PPP1R26: variants seen among roughly 807,000 people sequenced by gnomAD.
PPP1R26 encodes protein phosphatase 1 regulatory subunit 26.
Under a neutral mutation model 67.6 loss-of-function variants are expected in PPP1R26, and 22 were observed. That is an observed-to-expected ratio of 0.33 (90% CI 0.23 to 0.46). The LOEUF is 0.46. Ranked by LOEUF, PPP1R26 falls within the 20% of genes least tolerant of loss-of-function variation. The pLI, the probability that PPP1R26 is intolerant of heterozygous loss-of-function variation, is 1.00. For missense variants in PPP1R26, 1,602 were observed against 1,651.4 expected (o/e 0.97, Z 0.52); for synonymous variants, 729 against 717.2 (o/e 1.02, Z -0.26).
At chr9:135,479,690 G>A (rs1274823244), upstream of PPP1R26, 1 of 145,584 alleles carries the variant, frequency 6.9e-6, no homozygotes, top group African/African-American at 2.5e-5. The surrounding 1 kb of genome is among the most constrained non-coding windows in gnomAD (Gnocchi z 5.9). Flanking sequence ...CCACGGGCAC[G>A]GCTTCCGGAG....
At position 135,485,773 on chromosome 9, in the gene PPP1R26, A is replaced by G; in HGVS notation, c.1263A>G (p.Lys421=). ...GTGCCTTGCCCGAGACCCACAGGAA[A>G]ACACCCAGCAAGAAGAAGCTAGTGG... ...TKSALPETHR[K]TPSKKKLVAT... is the part of the protein sequence containing the mutation. The change falls in exon 4 of 4, where the codon AAA becomes AAG. Residue 421 remains lysine, a synonymous_variant. Transcript: ENST00000356818. This position sits in a 1 kb window ranked among gnomAD's most constrained non-coding sequence, Gnocchi z 7.2. 1 of 1,612,068 alleles carries G rather than the reference A, an allele frequency of 6.2e-7. No individual in the cohort carries two copies. Among genetic ancestry groups the G allele is most frequent in the Non-Finnish European group, 8.5e-7 (1 of 1,179,996 alleles).
chr9:135,488,221 G>A lies in PPP1R26; in HGVS notation c.*81G>A, dbSNP rs964466554. ...AGCCGTGCGTGTGTGTGATGGTTCC[G>A]TGGCTGCAAGGAAGGGAAACAGTCT... is the stretch of plus-strand genomic sequence containing the variant. On this transcript the variant is annotated 3_prime_UTR_variant, in exon 4 of 4. Coordinates refer to ENST00000356818, the MANE Select transcript of PPP1R26 (RefSeq NM_014811.5). 1.2e-5 allele frequency: 17 copies of A among 1,447,132 alleles called. No individual in the cohort carries two copies. The highest frequency in any genetic ancestry group is 2.6e-4 in the Middle Eastern group (1 of 3,838). The allele number at this position is 1,447,132 out of a possible 1,614,324, so 89.6% of individuals were successfully genotyped here.
In PPP1R26 at chr9:135,486,695, A is replaced by G; in HGVS notation, c.2185A>G (p.Thr729Ala). ...GAAGGTCAGGTTCAGCACAGCCCAG[A>G]CGCACTTCTTGGAGCAGCTGGGCGG... The part of the protein sequence containing the change: ...RKKVRFSTAQ[T>A]HFLEQLGGLR... Residue 729 changes from threonine (T) to alanine (A), a missense_variant, in exon 4 of 4, where the codon ACG becomes GCG. Coordinates refer to ENST00000356818, the MANE Select transcript of PPP1R26 (RefSeq NM_014811.5). This position sits in a 1 kb window ranked among gnomAD's most constrained non-coding sequence, Gnocchi z 6.2. 1 of 1,598,182 alleles carries G rather than the reference A, an allele frequency of 6.3e-7. No homozygotes were observed. The highest frequency in any genetic ancestry group is 8.5e-7 in the Non-Finnish European group (1 of 1,172,960).
chr9:135,486,513 C>T lies in PPP1R26; in HGVS notation c.2003C>T (p.Thr668Ile). Residue 668 changes from threonine (T) to isoleucine (I), a missense_variant, in exon 4 of 4, where the codon ACA becomes ATA. Thr to Ile is a moderately conservative substitution (Grantham distance 89, BLOSUM62 -1). Coordinates refer to ENST00000356818, the MANE Select transcript of PPP1R26 (RefSeq NM_014811.5). This position sits in a 1 kb window ranked among gnomAD's most constrained non-coding sequence, Gnocchi z 6.2. The stretch of plus-strand genomic sequence containing the variant: ...CGCATGTCACAGGGCCAGGGTAAGA[C>T]AGACGAGGCAAGGCGCCTAGACGAG... ...DTRMSQGQGK[T>I]DEARRLDEKE... 1 of 1,612,812 alleles carries T rather than the reference C, an allele frequency of 6.2e-7. No individual in the cohort carries two copies.
chr9:135,486,297 G>T lies in PPP1R26; in HGVS notation c.1787G>T (p.Arg596Leu), dbSNP rs139362521. The T allele has an allele frequency of 1.2e-6, 2 of 1,612,846 alleles. No homozygotes were observed. Among genetic ancestry groups the T allele is most frequent in the African/African-American group, 1.3e-5 (1 of 74,926 alleles). Residue 596 changes from arginine (R) to leucine (L), a missense_variant, in exon 4 of 4, where the codon CGT (arginine) becomes CTT (leucine). Coordinates refer to ENST00000356818, the MANE Select transcript of PPP1R26 (RefSeq NM_014811.5). This position sits in a 1 kb window ranked among gnomAD's most constrained non-coding sequence, Gnocchi z 6.2. ...PDPLLGCKRK[R>L]RGGGHVRPST... is the part of the protein sequence containing the mutation. ...CCACTGCTGGGCTGCAAAAGGAAGC[G>T]TAGAGGTGGTGGCCATGTGAGGCCA...
At chr9:135,483,811 T>TAACA in intron 2 of PPP1R26, 139 bp from the exon 3 acceptor site, 1 of 388,832 alleles carries the variant, frequency 2.6e-6, no homozygotes, top group Non-Finnish European at 4.5e-6. Context: ...TAGCTAAGAA[T>TAACA]AACAATGCAG....
In PPP1R26 at chr9:135,487,796, G is replaced by A. The variant is rs565912117; in HGVS notation, c.3286G>A (p.Gly1096Arg). The A allele has an allele frequency of 9.5e-6, 15 of 1,574,928 alleles. No individual in the cohort carries two copies. Among genetic ancestry groups the A allele is most frequent in the South Asian group, 4.7e-5 (4 of 85,968 alleles). ...LFHFGKGVSW[G>R]GRQAGLFSPH... ...CCACTTTGGAAAGGGTGTCTCCTGGGGGGGCAGGCAGGCTGGCCTCTTCAG... is the reference window on the plus strand; with the variant it reads ...CCACTTTGGAAAGGGTGTCTCCTGGAGGGGCAGGCAGGCTGGCCTCTTCAG... Residue 1096 changes from glycine (G) to arginine (R), a missense_variant, in exon 4 of 4, where the codon GGG becomes AGG. Physicochemically the swap from Gly to Arg is moderately radical, Grantham distance 125 (BLOSUM62 -2). This residue lies in a region of PPP1R26 where 740 missense variants were observed against 696.3 expected (regional missense o/e 1.06). Transcript: ENST00000356818.
chr9:135,487,963 A>C lies in PPP1R26; in HGVS notation c.3453A>C (p.Ala1151=), dbSNP rs138318563. ...CCTGGCCAACCAGGAAGGCACAGGC[A>C]GGGCTGAGTTTGCATGACAGGAGGA... ...GGPWPTRKAQ[A]GLSLHDRRSS... The change falls in exon 4 of 4, where the codon GCA becomes GCC. Residue 1151 remains alanine, a synonymous_variant. Transcript: ENST00000356818. The C allele has an allele frequency of 2.1e-5, 34 of 1,603,354 alleles. No homozygotes were observed. In the African/African-American group the frequency reaches 4.3e-4, roughly 20 times the overall value.
In PPP1R26 at chr9:135,485,766, A is replaced by G; in HGVS notation, c.1256A>G (p.His419Arg). 1.9e-6 allele frequency: 3 copies of G among 1,611,654 alleles called. No homozygotes were observed. Among genetic ancestry groups the G allele is most frequent in the Non-Finnish European group, 2.5e-6 (3 of 1,179,998 alleles). ...SATKSALPET[H>R]RKTPSKKKLV... is the part of the protein sequence containing the mutation. ...ACAAAAAGTGCCTTGCCCGAGACCC[A>G]CAGGAAAACACCCAGCAAGAAGAAG... is the stretch of plus-strand genomic sequence containing the variant. Residue 419 changes from histidine (H) to arginine (R), a missense_variant, in exon 4 of 4, where the codon CAC becomes CGC. By Grantham distance (29) the His-to-Arg change is conservative. This residue lies in a region of PPP1R26 where 680 missense variants were observed against 726.1 expected (regional missense o/e 0.94). Transcript: ENST00000356818. This position sits in a 1 kb window ranked among gnomAD's most constrained non-coding sequence, Gnocchi z 7.2.
At chr9:135,484,352 G>C (rs912752399) in intron 3 of PPP1R26, 97 bp from the exon 4 acceptor site, 10 of 711,732 alleles carry the variant, frequency 1.4e-5, no homozygotes, top group Non-Finnish European at 2.3e-5. Context: ...TCTCCACTCT[G>C]TGAGCCCGAC....
In PPP1R26 at chr9:135,487,108, T is replaced by C. The variant is rs61735037; in HGVS notation, c.2598T>C (p.Leu866=). Residue 866 remains leucine (L), a synonymous_variant, in exon 4 of 4, where the codon CTT becomes CTC. Transcript: ENST00000356818. The part of the protein sequence containing the change: ...SEVQAEGPTA[L]GTGGPARPEV... The stretch of plus-strand genomic sequence containing the variant: ...TTCAGGCAGAGGGCCCCACCGCTCT[T>C]GGGACAGGGGGCCCAGCCAGGCCAG... 11,182 of 1,611,578 alleles carry C rather than the reference T, an allele frequency of 6.9e-3. 402 individuals are homozygous for C. The African/African-American group carries it at 0.1, about 14-fold the overall frequency.
chr9:135,482,326 G>C (rs1564202809), intron 1 of PPP1R26, among the ~76,000 whole-genome samples: 1 of 152,228 alleles, frequency 6.6e-6, no homozygotes, highest in African/African-American at 2.4e-5. Context: ...CCAGTGCTCT[G>C]TGTCAGTGGG....
intron 1 of PPP1R26, chr9:135,480,233 C>T (rs117838973): frequency 0.1 from 15,933 of 151,846 alleles, 1,107 homozygotes; most frequent in Non-Finnish European, 0.15. Flanking sequence ...GTGCGACTCT[C>T]GGCCCGCGCG....
chr9:135,484,391 G>A (rs1457593533), intron 3 of PPP1R26, 58 bp from the exon 4 acceptor site: 8 of 975,540 alleles, frequency 8.2e-6, no homozygotes, highest in Non-Finnish European at 1.1e-5. Flanking sequence ...CTCGCTTGGT[G>A]TTGGCAGCTA....
rs1588355481 is a variant in PPP1R26 at position 135,487,557 on chromosome 9, A to G, written c.3047A>G (p.Asp1016Gly). 6.4e-7 allele frequency: 1 copy of G among 1,565,146 alleles called. No individual in the cohort carries two copies. Among genetic ancestry groups the G allele is most frequent in the Non-Finnish European group, 8.6e-7 (1 of 1,157,068 alleles). Reference sequence around the variant, plus strand: ...ACCCCCAGCCCGGGAGCGGAGAGGGACGCTGGAGCCCAGGCCGACCGCACA... The same window carrying G: ...ACCCCCAGCCCGGGAGCGGAGAGGGGCGCTGGAGCCCAGGCCGACCGCACA... ...FLTPSPGAERDAGAQADRTPP... is the reference protein window; with the variant it reads ...FLTPSPGAERGAGAQADRTPP... Residue 1016 changes from aspartate (D) to glycine (G), a missense_variant, in exon 4 of 4, where the codon GAC becomes GGC. Transcript: ENST00000356818.
chr9:135,486,180 G>A lies in PPP1R26; in HGVS notation c.1670G>A (p.Ser557Asn), dbSNP rs779440072. ...GGGAGTTTGCTGGCCAGAGGTGAGA[G>A]CTGCCCGCAGGCTGCCCAGGGTCCA... Reference protein sequence around the residue: ...QSGSLLARGESCPQAAQGPLL... With the variant: ...QSGSLLARGENCPQAAQGPLL... The change falls in exon 4 of 4, where the codon AGC (serine) becomes AAC (asparagine). Residue 557 changes from serine to asparagine, a missense_variant. By Grantham distance (46) the Ser-to-Asn change is conservative (BLOSUM62 1). This residue lies in a region of PPP1R26 where 680 missense variants were observed against 726.1 expected (regional missense o/e 0.94). Coordinates refer to ENST00000356818, the MANE Select transcript of PPP1R26 (RefSeq NM_014811.5). The surrounding 1 kb of genome is among the most constrained non-coding windows in gnomAD (Gnocchi z 6.2). 1.2e-6 allele frequency: 2 copies of A among 1,613,022 alleles called. No homozygotes were observed. Among genetic ancestry groups the A allele is most frequent in the Non-Finnish European group, 1.7e-6 (2 of 1,180,036 alleles).
At chr9:135,482,216 C>T (rs1830545374) in intron 1 of PPP1R26, among the ~76,000 whole-genome samples, 1 of 152,202 alleles carries the variant, frequency 6.6e-6, no homozygotes. Flanking sequence ...AATGTTTTGT[C>T]ATTTATGTCA....
At position 135,488,286 on chromosome 9, in the gene PPP1R26, CTTTTAT is replaced by C; in HGVS notation, c.*149_*154del. On this transcript the variant is annotated 3_prime_UTR_variant, in exon 4 of 4. Transcript: ENST00000356818. ...TGTATATATGTACACCAACATGAAA[CTTTTAT>C]TTAACAGACGTGTCCTGGTAAATAT... is the stretch of plus-strand genomic sequence containing the variant. 1 of 1,213,264 alleles carries C rather than the reference CTTTTAT, an allele frequency of 8.2e-7. No individual in the cohort carries two copies. The highest frequency in any genetic ancestry group is 1.0e-6 in the Non-Finnish European group (1 of 955,366). 75.2% of individuals were successfully genotyped at this position (1,213,264 alleles called of 1,614,324 possible).
chr9:135,488,661 T>G lies in PPP1R26; in HGVS notation c.*521T>G, dbSNP rs919942522. Reference sequence around the variant, plus strand: ...AGGACACCGCCTCGGCCCCACGTCCTTAGAGGCCAGAGCACATCTGAAAAC... The same window carrying G: ...AGGACACCGCCTCGGCCCCACGTCCGTAGAGGCCAGAGCACATCTGAAAAC... On this transcript the variant is annotated 3_prime_UTR_variant, in exon 4 of 4. Transcript: ENST00000356818. 6.0e-6 allele frequency: 1 copy of G among 167,096 alleles called. No individual in the cohort carries two copies. Among genetic ancestry groups the G allele is most frequent in the Admixed American group, 6.5e-5 (1 of 15,292 alleles). The allele number at this position is 167,096 out of a possible 1,614,324, so 10.4% of individuals were successfully genotyped here.
Sources: allele counts gnomAD v4.1 joint callset (sites outside exome capture counted in the v4.1 genomes callset), GRCh38; gene constraint gnomAD v4.1.1; regional missense constraint gnomAD v4.1.1; non-coding constraint Gnocchi (gnomAD v3.1); transcripts MANE v1.5; gene names NCBI Gene and HGNC (gene_info 2026-07-23, HGNC 2026-07-21).